CSMD2: variants seen among roughly 807,000 people sequenced by gnomAD.
CSMD2 encodes the protein CUB and sushi domain-containing protein 2.
A neutral mutation model predicts 398.5 loss-of-function variants in CSMD2; 130 were observed. That is an observed-to-expected ratio of 0.33 (90% confidence interval 0.28 to 0.38). The LOEUF is 0.38. Ranked by LOEUF, CSMD2 falls within the 10% of genes least tolerant of loss-of-function variation. The pLI, the probability that CSMD2 is intolerant of heterozygous loss-of-function variation, is 1.00. For missense variants in CSMD2, 3,829 were observed against 4,764.9 expected (o/e 0.80, Z 5.78); for synonymous variants, 1,828 against 1,908.5 (o/e 0.96, Z 1.10).
At chr1:33,544,170 T>C (rs1292112463) in intron 57 of CSMD2, among the ~76,000 whole-genome samples, 1 of 148,676 alleles carries the variant, frequency 6.7e-6, no homozygotes, top group Non-Finnish European at 1.5e-5. Context: ...GCAGTGGCGC[T>C]ATCTTGGCTC....
At chr1:33,662,757 T>C in intron 26 of CSMD2, 133 bp downstream of exon 26, 1 of 866,786 alleles carries the variant, frequency 1.2e-6, no homozygotes, top group Non-Finnish European at 1.9e-6. Flanking sequence ...GCTAACCATG[T>C]ACCAGGCACA....
chr1:33,633,298 G>A lies in CSMD2; in HGVS notation c.5200+124C>T. ...GCGTTGTAGACAAGCACCAGAACAC[G>A]ACAGGCACGCAGAGCCGTAGGGTTC... On this transcript the variant is annotated intron_variant, in intron 32 of 70. Transcript: ENST00000373381. The surrounding 1 kb of genome is among the most constrained non-coding windows in gnomAD (Gnocchi z 5.0). 2.8e-6 allele frequency: 2 copies of A among 719,490 alleles called. No homozygotes were observed. Among genetic ancestry groups the A allele is most frequent in the South Asian group, 1.7e-5 (1 of 59,018 alleles). 44.6% of individuals were successfully genotyped at this position (719,490 alleles called of 1,614,324 possible). A position where few individuals can be genotyped will look rare whatever the true frequency, so the allele number is the denominator to read the frequency against.
chr1:33,540,847 T>TTCTGA (rs1394121897), intron 59 of CSMD2, 149 bp from the exon 60 acceptor site: 1 of 890,984 alleles, frequency 1.1e-6, no homozygotes, highest in African/African-American at 1.7e-5. Context: ...ACTGTGGGAG[T>TTCTGA]TCTGATCTTT....
Position 33,571,674 on chromosome 1 carries a change from C to G in CSMD2, c.7815G>C (p.Arg2605Ser). 1 of 1,577,206 alleles carries G rather than the reference C, an allele frequency of 6.3e-7. No individual in the cohort carries two copies. The highest frequency in any genetic ancestry group is 8.7e-7 in the Non-Finnish European group (1 of 1,155,680). ...SSISVEHGRW[R>S]LIFETQYQFQ... is the part of the protein sequence containing the mutation. ...ACTGATACTGTGTCTCAAAGATAAG[C>G]CTCCATCGGCCATGCTCCACGCTGA... is the stretch of plus-strand genomic sequence containing the variant. Residue 2605 changes from arginine (R) to serine (S), a missense_variant, in exon 51 of 71, where the codon AGG becomes AGC. Physicochemically the swap from Arg to Ser is moderately radical, Grantham distance 110. Coordinates refer to ENST00000373381, the MANE Select transcript of CSMD2 (RefSeq NM_001281956.2).
chr1:34,165,156 A>C lies in CSMD2; in HGVS notation c.-59T>G. 1 of 1,200,594 alleles carries C rather than the reference A, an allele frequency of 8.3e-7. No individual in the cohort carries two copies. Among genetic ancestry groups the C allele is most frequent in the Non-Finnish European group, 1.0e-6 (1 of 967,754 alleles). 74.4% of individuals were successfully genotyped at this position (1,200,594 alleles called of 1,614,324 possible). ...CTCGCCGCCGAGGAGAAAGGAGGTC[A>C]GGAGAGCTCTGGAGCTTTTTTCTGC... On this transcript the variant is annotated 5_prime_UTR_variant, in exon 1 of 71. Transcript: ENST00000373381.
intron 25 of CSMD2, among the ~76,000 whole-genome samples, chr1:33,685,615 G>A (rs1050373137): frequency 4.6e-5 from 7 of 152,112 alleles, no homozygotes; most frequent in Admixed American, 2.0e-4. Context: ...CCACATGCAC[G>A]CAGCTCCAGC....
chr1:33,694,397 G>T (rs112884062), intron 24 of CSMD2, among the ~76,000 whole-genome samples: 1 of 152,086 alleles, frequency 6.6e-6, no homozygotes, highest in Non-Finnish European at 1.5e-5. Context: ...CCCAAATTTC[G>T]TCTTGAATTG....
In CSMD2 at chr1:33,550,179, G is replaced by T; in HGVS notation, c.8915C>A (p.Ser2972Ter). The T allele has an allele frequency of 6.2e-7, 1 of 1,613,550 alleles. No homozygotes were observed. Among genetic ancestry groups the T allele is most frequent in the Non-Finnish European group, 8.5e-7 (1 of 1,179,814 alleles). Reference protein sequence around the residue: ...GHWTGSLPHCSGTSVGVCGDP... With the variant: ...GHWTGSLPHC ...TTCCTCAATGCCATGCACCATACCT[G>T]AGCAGTGAGGGAGGGAGCCAGTCCA... The change falls in exon 56 of 71, where the codon TCA (serine) becomes TAA (stop). Residue 2972 changes from serine to a stop codon, truncating the protein, a stop_gained and splice_region_variant. Coordinates refer to ENST00000373381, the MANE Select transcript of CSMD2 (RefSeq NM_001281956.2). LOFTEE classifies it high-confidence loss of function.
Position 33,671,427 on chromosome 1 carries a change from G to A in CSMD2, c.4053-8335C>T, listed in dbSNP as rs144319213. The stretch of plus-strand genomic sequence containing the variant: ...GGTTCTCCCTCCCATTCCTTGGTGG[G>A]GCTGCCCTGAAATTCTGCTTGCTCT... On this transcript the variant is annotated intron_variant, in intron 25 of 70. Coordinates refer to ENST00000373381, the MANE Select transcript of CSMD2 (RefSeq NM_001281956.2). Among the ~76,000 whole-genome samples the A allele has an allele frequency of 3.8e-3, 573 of 152,146 alleles. 9 individuals are homozygous for A. The Middle Eastern group carries it at 0.075, about 20-fold the overall frequency.
intron 3 of CSMD2, among the ~76,000 whole-genome samples, chr1:33,996,360 C>T (rs996130066): frequency 6.6e-6 from 1 of 152,230 alleles, no homozygotes; most frequent in African/African-American, 2.4e-5. Flanking sequence ...TCCCTCCGCC[C>T]TGGCTTTTCC....
chr1:33,624,115 C>A lies in CSMD2; in HGVS notation c.5625+404G>T, dbSNP rs1275468060. 6.6e-6 allele frequency among the ~76,000 whole-genome samples: 1 copy of A among 152,200 alleles called. No homozygotes were observed. Among genetic ancestry groups the A allele is most frequent in the East Asian group, 1.9e-4 (1 of 5,198 alleles). On this transcript the variant is annotated intron_variant, in intron 35 of 70. Transcript: ENST00000373381. This position sits in a 1 kb window ranked among gnomAD's most constrained non-coding sequence, Gnocchi z 4.7. ...TCATTAGCACTGCCTCCCCTTCTAACCCTCACAATCTTAAGAAAATCTTTA... is the reference window on the plus strand; with the variant it reads ...TCATTAGCACTGCCTCCCCTTCTAAACCTCACAATCTTAAGAAAATCTTTA...
chr1:33,790,801 ATATCTATCTATCTATC>A (rs3078814), intron 11 of CSMD2, among the ~76,000 whole-genome samples: 35 of 148,564 alleles, frequency 2.4e-4, no homozygotes, highest in East Asian at 6.1e-4. Context: ...CATCTCTCTA[ATATCTATCTATCTATC>A]TATCTATCTA....
chr1:33,738,455 A>G (rs926687051), intron 15 of CSMD2, among the ~76,000 whole-genome samples: 1 of 152,200 alleles, frequency 6.6e-6, no homozygotes, highest in Non-Finnish European at 1.5e-5. Context: ...CACAAATTTA[A>G]CCTGACTCCT....
intron 37 of CSMD2, among the ~76,000 whole-genome samples, chr1:33,620,415 A>G (rs922303380): frequency 6.6e-6 from 1 of 152,206 alleles, no homozygotes; most frequent in African/African-American, 2.4e-5. Context: ...GTTTCTCCGT[A>G]GCTCTTCCCA....
Position 33,787,564 on chromosome 1 carries a change from C to T in CSMD2, c.1663+1036G>A, listed in dbSNP as rs777677712. ...TGTGCTCCCACTGGCACTGTCCAGG[C>T]AGCTCTTTTGCATGCCACTTCGTTT... On this transcript the variant is annotated intron_variant, in intron 12 of 70. Transcript: ENST00000373381. 4.4e-4 allele frequency among the ~76,000 whole-genome samples: 67 copies of T among 152,214 alleles called. 2 individuals carry two copies. The highest frequency in any genetic ancestry group is 5.1e-4 in the Non-Finnish European group (35 of 68,036).
intron 44 of CSMD2, 28 bp from the exon 45 acceptor site, chr1:33,587,196 G>A (rs1398136637): frequency 6.6e-7 from 1 of 1,525,002 alleles, no homozygotes; most frequent in Admixed American, 1.8e-5. Context: ...GGCAAGTCAG[G>A]GTAAGATCAT....
intron 1 of CSMD2, among the ~76,000 whole-genome samples, chr1:34,151,468 G>A (rs756005338): frequency 1.3e-5 from 2 of 152,166 alleles, no homozygotes; most frequent in Non-Finnish European, 2.9e-5. Context: ...TCAGGAAGAG[G>A]CTCTCACAGA....
chr1:33,903,050 T>A (rs752686148), intron 5 of CSMD2, among the ~76,000 whole-genome samples: 2 of 152,200 alleles, frequency 1.3e-5, no homozygotes, highest in Non-Finnish European at 2.9e-5. Context: ...CTGACGTGGC[T>A]GCAGAAATTG....
intron 15 of CSMD2, among the ~76,000 whole-genome samples, chr1:33,729,068 T>C (rs1253404591): frequency 1.3e-5 from 2 of 152,258 alleles, no homozygotes; most frequent in South Asian, 2.1e-4. Flanking sequence ...ATCTCAGCAG[T>C]GAGGAGGGAC....
Sources: allele counts gnomAD v4.1 joint callset (sites outside exome capture counted in the v4.1 genomes callset), GRCh38; gene constraint gnomAD v4.1.1; non-coding constraint Gnocchi (gnomAD v3.1); transcripts MANE v1.5; gene names NCBI Gene and HGNC (gene_info 2026-07-23, HGNC 2026-07-21).